The following ARMCX4 variants were observed in gnomAD, a reference collection of about 807,000 sequenced individuals.
ARMCX4 encodes the protein armadillo repeat-containing X-linked protein 4.
ARMCX4 carries 3 observed loss-of-function variants against 34.7 expected under a neutral mutation model. The observed-to-expected ratio is 0.09, with a 90% confidence interval of 0.04 to 0.22. ARMCX4 has a LOEUF of 0.22. ARMCX4 is among the 10% of genes least tolerant of loss of function. ARMCX4 has a pLI of 1.00. For synonymous variants in ARMCX4, 513 were observed against 632.8 expected (o/e 0.81, Z 2.84); for missense variants, 1,448 against 1,720.8 (o/e 0.84, Z 2.81).
In ARMCX4 at chrX:101,490,066, A is replaced by G. The variant is rs900100418; in HGVS notation, c.1477A>G (p.Arg493Gly). Residue 493 changes from arginine to glycine, a missense_variant, in exon 6 of 6, where the codon AGG (arginine) becomes GGG (glycine). This residue lies in a region of ARMCX4 where 1,343 missense variants were observed against 1,540.7 expected (regional missense o/e 0.87). Transcript: ENST00000423738. ...CTTGTCTGATGGCAAAATTAAGGTC[A>G]GGGGCAATGTCAATACCATGCCTAA... is the stretch of plus-strand genomic sequence containing the variant. ...DTLSDGKIKV[R>G]GNVNTMPKEG... 112 of 1,154,290 alleles carry G rather than the reference A, an allele frequency of 9.7e-5. No individual in the cohort carries two copies. The highest frequency in any genetic ancestry group is 4.6e-4 in the Middle Eastern group (2 of 4,324).
At chrX:101,443,792 A>T in intron 2 of ARMCX4, 2 of 330,616 alleles carry the variant, frequency 6.0e-6, no homozygotes, top group Non-Finnish European at 1.1e-5. Flanking sequence ...CTTGCCAAAG[A>T]TCACATGGTT....
chrX:101,445,291 C>G (rs1204363485), intron 3 of ARMCX4, among the ~76,000 whole-genome samples: 2 of 112,103 alleles, frequency 1.8e-5, no homozygotes, highest in African/African-American at 6.5e-5. Context: ...AAAGCTCCCC[C>G]CACTATGGAT....
upstream of ARMCX4, among the ~76,000 whole-genome samples, chrX:101,481,534 G>A (rs994478844): frequency 1.3e-4 from 14 of 111,723 alleles, no homozygotes; most frequent in Admixed American, 9.5e-4. Flanking sequence ...TATAAGTTGA[G>A]AAACATTTGT....
chrX:101,531,873 A>G (rs1603231295), exon 12 of ARMCX4: 2 of 112,071 alleles, frequency 1.8e-5, no homozygotes, highest in South Asian at 7.4e-4. Flanking sequence ...CATGGAAATG[A>G]ATATGTATTT....
Position 101,488,683 on chromosome X carries a change from G to T in ARMCX4, c.94G>T (p.Ala32Ser), listed in dbSNP as rs1180420940. 11 of 1,154,619 alleles carry T rather than the reference G, an allele frequency of 9.5e-6. No homozygotes were observed. The highest frequency in any genetic ancestry group is 1.3e-5 in the Non-Finnish European group (11 of 872,814). ...CATTTACAAATTTACCAAGGGAAGA[G>T]CCCAGAGTGTGAGGACTCTTGCCAG... ...YYIYKFTKGR[A>S]QSVRTLARNG... Residue 32 changes from alanine to serine, a missense_variant, in exon 6 of 6, where the codon GCC becomes TCC. Around this residue, in one of 2 missense-constraint regions of ARMCX4, gnomAD observed 1,343 missense variants for 1,540.7 expected, o/e 0.87. Transcript: ENST00000423738.
intron 2 of ARMCX4, among the ~76,000 whole-genome samples, chrX:101,436,994 C>T (rs1188053680): frequency 8.9e-6 from 1 of 111,817 alleles, no homozygotes; most frequent in Non-Finnish European, 1.9e-5. Context: ...AGGGATGAAG[C>T]CCACTTGATC....
intron 2 of ARMCX4, among the ~76,000 whole-genome samples, chrX:101,443,171 A>G (rs375145856): frequency 7.2e-5 from 8 of 110,844 alleles, no homozygotes; most frequent in Middle Eastern, 4.7e-3. Context: ...CCCCAATTAA[A>G]CAGTATTAAA....
rs782346010 is a variant in ARMCX4, at chrX:101,506,002, C to T, written c.*1596+647C>T. ...GATTACAGGCACCTGTCATCACTCC[C>T]GGCTAATTTTTTGTATTTTTCATAG... is the stretch of plus-strand genomic sequence containing the variant. On this transcript the variant is annotated intron_variant and NMD_transcript_variant, in intron 8 of 12. Transcript: ENST00000354842. Among the ~76,000 whole-genome samples the T allele has an allele frequency of 2.6e-4, 29 of 111,501 alleles. No homozygotes were observed. In the East Asian group the frequency reaches 3.9e-3, roughly 15 times the overall value.
chrX:101,499,266 C>T (rs1603217782), downstream of ARMCX4: 2 of 111,704 alleles, frequency 1.8e-5, no homozygotes, highest in East Asian at 5.6e-4. Flanking sequence ...ACTGCGATGG[C>T]TCCTCGAAGT....
chrX:101,484,582 T>C (rs1933608706), upstream of ARMCX4, among the ~76,000 whole-genome samples: 1 of 112,184 alleles, frequency 8.9e-6, no homozygotes, highest in African/African-American at 3.2e-5. Flanking sequence ...AGATGCTGAG[T>C]TCAGCCAGAA....
intron 7 of ARMCX4, among the ~76,000 whole-genome samples, chrX:101,503,217 G>A (rs1243794077): frequency 9.1e-6 from 1 of 110,279 alleles, no homozygotes; most frequent in Non-Finnish European, 1.9e-5. Flanking sequence ...CCAAGTCTTT[G>A]CTATTGTGAA....
chrX:101,517,505 G>A (rs1320540672), intron 11 of ARMCX4, among the ~76,000 whole-genome samples: 2 of 111,020 alleles, frequency 1.8e-5, no homozygotes, highest in Non-Finnish European at 3.8e-5. Flanking sequence ...ACTATGCTGA[G>A]CTAATTCTTT....
intron 2 of ARMCX4, among the ~76,000 whole-genome samples, chrX:101,434,887 G>A (rs1191952364): frequency 1.3e-4 from 14 of 107,601 alleles, no homozygotes; most frequent in South Asian, 8.3e-4. Flanking sequence ...AACATGCGGC[G>A]TTTGGTTTTT....
At chrX:101,422,028 T>C (rs1287543355) in intron 2 of ARMCX4, among the ~76,000 whole-genome samples, 2 of 104,268 alleles carry the variant, frequency 1.9e-5, no homozygotes, top group Non-Finnish European at 3.9e-5. Flanking sequence ...ATTATTATTA[T>C]TATTTGAGAC....
chrX:101,526,896 C>A, intron 11 of ARMCX4, among the ~76,000 whole-genome samples: 1 of 111,378 alleles, frequency 9.0e-6, no homozygotes, highest in East Asian at 2.8e-4. Context: ...GACTTTAACA[C>A]CCCACTGTCA....
At chrX:101,515,346 T>C (rs782281486) in intron 11 of ARMCX4, among the ~76,000 whole-genome samples, 6 of 28,079 alleles carry the variant, frequency 2.1e-4, no homozygotes, top group Non-Finnish European at 3.2e-4. Context: ...CCTTTCCTTT[T>C]CTTTCTTTCT....
chrX:101,526,553 G>A (rs145299259), intron 11 of ARMCX4, among the ~76,000 whole-genome samples: 1 of 111,855 alleles, frequency 8.9e-6, no homozygotes, highest in African/African-American at 3.3e-5. Context: ...TGGATAAAGA[G>A]TCAAGAACCA....
At chrX:101,519,954 A>C (rs1444096140) in intron 11 of ARMCX4, among the ~76,000 whole-genome samples, 1 of 111,126 alleles carries the variant, frequency 9.0e-6, no homozygotes, top group Non-Finnish European at 1.9e-5. Flanking sequence ...CCTGTTGGCC[A>C]TTTGTATGTC....
chrX:101,497,238 C>CT (rs370656697), downstream of ARMCX4, among the ~76,000 whole-genome samples: 60 of 104,177 alleles, frequency 5.8e-4, no homozygotes, highest in South Asian at 2.0e-3. Flanking sequence ...TTTTCTCTTT[C>CT]TTTTTTTTTT....
Sources: gnomAD v4.1 joint callset for allele counts (sites outside exome capture counted in the v4.1 genomes callset) on GRCh38, gnomAD v4.1.1 for gene constraint, gnomAD v4.1.1 regional missense constraint, MANE v1.5 for transcripts, NCBI Gene and HGNC (gene_info 2026-07-23, HGNC 2026-07-21) for gene names.